JAK1: variants seen among roughly 807,000 people sequenced by gnomAD.
The protein encoded by JAK1 is Janus kinase 1, also known as tyrosine-protein kinase JAK1.
Under a neutral mutation model 136.6 loss-of-function variants are expected in JAK1, and 16 were observed. That is an observed-to-expected ratio of 0.12 (90% confidence interval 0.08 to 0.18). The LOEUF is 0.18. Ranked by LOEUF, JAK1 falls within the 10% of genes least tolerant of loss-of-function variation. The probability of loss-of-function intolerance (pLI) is 1.00; values close to 1 mark genes in which losing one functional copy is unlikely to be tolerated. For missense variants in JAK1, 859 were observed against 1,450.1 expected (o/e 0.59, Z 6.62); for synonymous variants, 492 against 519.5 (o/e 0.95, Z 0.72).
intron 1 of JAK1, among the ~76,000 whole-genome samples, chr1:64,954,761 C>T (rs1646152320): frequency 6.6e-6 from 1 of 152,076 alleles, no homozygotes; most frequent in Non-Finnish European, 1.5e-5. Flanking sequence ...ACAAGTAATC[C>T]GATGAGGAGA....
At chr1:65,044,606 A>T (rs567290485) in intron 1 of JAK1, among the ~76,000 whole-genome samples, 1 of 152,240 alleles carries the variant, frequency 6.6e-6, no homozygotes, top group South Asian at 2.1e-4. Context: ...AGTCAGGGTG[A>T]CCAGATGGCT....
At chr1:64,952,789 T>C (rs1557720478) in intron 1 of JAK1, among the ~76,000 whole-genome samples, 1 of 152,202 alleles carries the variant, frequency 6.6e-6, no homozygotes, top group Admixed American at 6.5e-5. Flanking sequence ...CAGTAAATAA[T>C]AGTGGTAAAC....
chr1:64,931,371 C>T (rs1361266454), intron 1 of JAK1, among the ~76,000 whole-genome samples: 1 of 152,090 alleles, frequency 6.6e-6, no homozygotes, highest in African/African-American at 2.4e-5. Flanking sequence ...AAGGGAGGGC[C>T]ATTCCCATCG....
chr1:64,869,712 G>A (rs1444757958), intron 5 of JAK1, among the ~76,000 whole-genome samples: 3 of 152,208 alleles, frequency 2.0e-5, no homozygotes, highest in African/African-American at 7.2e-5. Context: ...AGGCACTGGG[G>A]AACAGTACAG....
chr1:65,003,268 A>G (rs1646777518), intron 2 of JAK1, among the ~76,000 whole-genome samples: 1 of 151,250 alleles, frequency 6.6e-6, no homozygotes, highest in African/African-American at 2.4e-5. Context: ...TAAAATGTGG[A>G]GATTGTCCTT....
At chr1:65,031,950 T>C (rs980671407) in intron 2 of JAK1, among the ~76,000 whole-genome samples, 1 of 149,470 alleles carries the variant, frequency 6.7e-6, no homozygotes, top group African/African-American at 2.5e-5. Flanking sequence ...AAAACACAGA[T>C]TTTTCTTTTT....
rs548130062 is a variant in JAK1 at position 64,894,597 on chromosome 1, A to G, written c.-77-8256T>C. ...AATATGGTGAAACCCCGTCTCTACTAAAAAAAACAAAAAACAAAAAACAAA... is the reference window on the plus strand; with the variant it reads ...AATATGGTGAAACCCCGTCTCTACTGAAAAAAACAAAAAACAAAAAACAAA... On this transcript the variant is annotated intron_variant, in intron 1 of 24. Coordinates refer to ENST00000342505, the MANE Select transcript of JAK1 (RefSeq NM_002227.4). 2.5e-3 allele frequency among the ~76,000 whole-genome samples: 375 copies of G among 151,864 alleles called. 5 individuals are homozygous for G. The highest frequency in any genetic ancestry group is 8.6e-3 in the African/African-American group (358 of 41,402).
At chr1:64,957,770 C>T (rs956562083) in intron 1 of JAK1, among the ~76,000 whole-genome samples, 1 of 151,446 alleles carries the variant, frequency 6.6e-6, no homozygotes, top group African/African-American at 2.4e-5. Context: ...TGGTGAAACC[C>T]CGTCTCTACT....
At chr1:64,849,746 C>T (rs1049279451) in intron 12 of JAK1, among the ~76,000 whole-genome samples, 5 of 152,116 alleles carry the variant, frequency 3.3e-5, no homozygotes, top group South Asian at 2.1e-4. Context: ...CTTGGAGGCT[C>T]GAGGCAAGGG....
At chr1:64,948,741 C>A (rs1008238247) in intron 1 of JAK1, among the ~76,000 whole-genome samples, 2 of 152,166 alleles carry the variant, frequency 1.3e-5, no homozygotes, top group Admixed American at 6.5e-5. Context: ...CTGCAACACA[C>A]CTGGTAAAAA....
chr1:64,839,839 G>A lies in JAK1; in HGVS notation c.2650-44C>T, dbSNP rs2274943. On this transcript the variant is annotated intron_variant, in intron 19 of 24. Coordinates refer to ENST00000342505, the MANE Select transcript of JAK1 (RefSeq NM_002227.4). Reference sequence around the variant, plus strand: ...GTGCTGTTATCAGGGAAGCCCCATCGTAGGCCACGGAACACACAGAAGTCT... The same window carrying A: ...GTGCTGTTATCAGGGAAGCCCCATCATAGGCCACGGAACACACAGAAGTCT... The A allele has an allele frequency of 0.023, 34,581 of 1,493,320 alleles. 2,309 individuals are homozygous for A. In the East Asian group the frequency reaches 0.26, roughly 11 times the overall value. The allele number at this position is 1,493,320 out of a possible 1,614,324, so 92.5% of individuals were successfully genotyped here. A position where few individuals can be genotyped will look rare whatever the true frequency, so the allele number is the denominator to read the frequency against.
At chr1:65,057,635 G>A (rs1422050483) in intron 1 of JAK1, 1 of 154,632 alleles carries the variant, frequency 6.5e-6, no homozygotes, top group Non-Finnish European at 1.5e-5. Context: ...GTTGAAGTAA[G>A]CTATGATCAT....
intron 1 of JAK1, among the ~76,000 whole-genome samples, chr1:64,932,039 A>G (rs1320142277): frequency 6.6e-6 from 1 of 152,114 alleles, no homozygotes; most frequent in African/African-American, 2.4e-5. Context: ...TTACCATATA[A>G]CTGGATCCTC....
At chr1:64,910,828 A>C (rs1262565221) in intron 1 of JAK1, among the ~76,000 whole-genome samples, 1 of 147,086 alleles carries the variant, frequency 6.8e-6, no homozygotes, top group East Asian at 2.0e-4. Flanking sequence ...TGGATGACAA[A>C]GCAAGACTCT....
chr1:65,053,030 CAAAAAAAAAAA>C (rs780968006), intron 1 of JAK1, among the ~76,000 whole-genome samples: 58 of 43,716 alleles, frequency 1.3e-3, no homozygotes, highest in African/African-American at 6.5e-3. Flanking sequence ...ACTCTTGTCT[CAAAAAAAAAAA>C]AAAAAAAAAA....
chr1:64,892,613 C>T (rs1000169679), intron 1 of JAK1, among the ~76,000 whole-genome samples: 2 of 152,118 alleles, frequency 1.3e-5, no homozygotes, highest in Admixed American at 6.5e-5. Context: ...TCATTTATCC[C>T]AAAAATACTT....
At chr1:65,057,817 A>G (rs112181011) in intron 1 of JAK1, 1 of 154,856 alleles carries the variant, frequency 6.5e-6, no homozygotes, top group African/African-American at 2.4e-5. Flanking sequence ...ATTTTCATGT[A>G]AATGTGACAG....
chr1:65,046,310 G>A (rs534697), intron 1 of JAK1, among the ~76,000 whole-genome samples: 11,977 of 152,180 alleles, frequency 0.079, 870 homozygotes, highest in East Asian at 0.32. Context: ...GCCCGGATGA[G>A]GCCCTTAAGT....
At chr1:65,058,333 G>A (rs995013268) in intron 1 of JAK1, 2 of 525,418 alleles carry the variant, frequency 3.8e-6, no homozygotes, top group African/African-American at 3.9e-5. Context: ...AGAGGTGCAG[G>A]GTAAGAGGGT....
Sources: allele counts gnomAD v4.1 joint callset (sites outside exome capture counted in the v4.1 genomes callset), GRCh38; gene constraint gnomAD v4.1.1; transcripts MANE v1.5; gene names NCBI Gene and HGNC (gene_info 2026-07-23, HGNC 2026-07-21).